The following TLR6 variants were observed in gnomAD, a reference collection of about 807,000 sequenced individuals.
TLR6 encodes toll-like receptor 6.
Under a neutral mutation model 16.1 loss-of-function variants are expected in TLR6, and 9 were observed. That is an observed-to-expected ratio of 0.56 (90% confidence interval 0.34 to 0.98). TLR6 has a LOEUF of 0.98. Among genes scored for constraint, TLR6 ranks in the 50% least tolerant of loss-of-function variants. TLR6 has a pLI of 0.02. For synonymous variants in TLR6, 340 were observed against 338.6 expected (o/e 1.00, Z -0.04); for missense variants, 786 against 921.0 (o/e 0.85, Z 1.90).
chr4:38,827,292 A>T (rs752828411), exon 2 of TLR6: 5 of 1,614,132 alleles, frequency 3.1e-6, no homozygotes, highest in Non-Finnish European at 4.2e-6. Context: ...AAGTTATTAG[A>T]TCCTTCATGA....
At chr4:38,830,575 C>G (rs1045224129) in intron 1 of TLR6, among the ~76,000 whole-genome samples, 5 of 152,108 alleles carry the variant, frequency 3.3e-5, no homozygotes, top group Non-Finnish European at 7.4e-5. Flanking sequence ...CTTAGCTGGG[C>G]ATGGTGGCGT....
At position 38,829,243 on chromosome 4, in the gene TLR6, C is replaced by T. The variant is rs774022026; in HGVS notation, c.231G>A (p.Glu77=). The T allele has an allele frequency of 1.9e-6, 3 of 1,614,180 alleles. No homozygotes were observed. In the South Asian group the frequency reaches 3.3e-5, roughly 18 times the overall value. ...TATGGGAAAGTCTCAAAACTGTCAA[C>T]TCTGATAGAAAGCTCATGTCAGAGA... is the stretch of plus-strand genomic sequence containing the variant. The change falls in exon 2 of 2, where the codon GAG becomes GAA. Residue 77 remains glutamate, a synonymous_variant. Transcript: ENST00000436693.
At chr4:38,860,116 G>A (rs181611752), upstream of TLR6, among the ~76,000 whole-genome samples, 3 of 152,216 alleles carry the variant, frequency 2.0e-5, no homozygotes, top group Non-Finnish European at 2.9e-5. Flanking sequence ...TCTACCAACA[G>A]CTTTAAAGTA....
At chr4:38,849,867 C>G (rs934131478) in intron 1 of TLR6, among the ~76,000 whole-genome samples, 6 of 152,208 alleles carry the variant, frequency 3.9e-5, no homozygotes, top group Non-Finnish European at 7.3e-5. Flanking sequence ...GAATTGAACT[C>G]AGCTCTGCAC....
At chr4:38,853,726 C>G (rs1336616715) in intron 1 of TLR6, among the ~76,000 whole-genome samples, 1 of 152,170 alleles carries the variant, frequency 6.6e-6, no homozygotes, top group Non-Finnish European at 1.5e-5. Flanking sequence ...ACCTCAGCCT[C>G]CCACGGAGCT....
exon 2 of TLR6, chr4:38,828,410 A>G (rs1415855364): frequency 1.9e-6 from 3 of 1,613,692 alleles, no homozygotes; most frequent in South Asian, 1.1e-5. Context: ...CAAAAACTTG[A>G]ATGTGCTTGG....
At chr4:38,853,683 T>C (rs1560272817) in intron 1 of TLR6, among the ~76,000 whole-genome samples, 1 of 152,188 alleles carries the variant, frequency 6.6e-6, no homozygotes, top group Admixed American at 6.5e-5. Flanking sequence ...GGCACAATCA[T>C]AGCTTAAGGT....
chr4:38,850,398 A>C (rs1036964319), intron 1 of TLR6, among the ~76,000 whole-genome samples: 6 of 152,216 alleles, frequency 3.9e-5, no homozygotes, highest in African/African-American at 1.2e-4. Context: ...ACTGAAGGAG[A>C]TAGAGACACA....
chr4:38,859,596 G>A (rs1158923456), upstream of TLR6, among the ~76,000 whole-genome samples: 1 of 132,042 alleles, frequency 7.6e-6, no homozygotes, highest in Non-Finnish European at 1.5e-5. Flanking sequence ...ACAGGGTCTC[G>A]CTCTGTTGCC....
intron 1 of TLR6, among the ~76,000 whole-genome samples, chr4:38,839,209 C>T (rs907777624): frequency 6.6e-6 from 1 of 150,844 alleles, no homozygotes. Flanking sequence ...TCTGAAAAAG[C>T]TAAATACTAT....
At chr4:38,841,724 A>C (rs1712272596) in intron 1 of TLR6, among the ~76,000 whole-genome samples, 1 of 152,228 alleles carries the variant, frequency 6.6e-6, no homozygotes, top group South Asian at 2.1e-4. Context: ...AATCGCATCA[A>C]AGGACTTAGG....
chr4:38,828,085 C>T (rs1421439988), exon 2 of TLR6: 2 of 1,614,062 alleles, frequency 1.2e-6, no homozygotes, highest in African/African-American at 2.7e-5. Context: ...TAGGAACGCT[C>T]TTTATTTTAT....
exon 2 of TLR6, chr4:38,826,412 A>G (rs1163529849): frequency 2.0e-5 from 3 of 152,200 alleles, no homozygotes; most frequent in Non-Finnish European, 4.4e-5. Context: ...GTCCCATTCA[A>G]TATCCAGCTG....
At chr4:38,828,835 C>G (rs189784331) in exon 2 of TLR6, 223 of 1,613,998 alleles carry the variant, frequency 1.4e-4, no homozygotes, top group Admixed American at 4.7e-4. Context: ...CTGATATGTT[C>G]ACTTGGATAG....
chr4:38,858,512 G>A (rs1713078302), upstream of TLR6, among the ~76,000 whole-genome samples: 1 of 152,070 alleles, frequency 6.6e-6, no homozygotes, highest in Non-Finnish European at 1.5e-5. Context: ...CAGAGGTCAG[G>A]AGTTCGAGAC....
chr4:38,828,450 G>T (rs749165469), exon 2 of TLR6: 19 of 1,614,160 alleles, frequency 1.2e-5, no homozygotes, highest in Non-Finnish European at 1.6e-5. Flanking sequence ...TGTATAAAAG[G>T]TGTATCTGAA....
At chr4:38,848,334 A>G (rs180955433) in intron 1 of TLR6, among the ~76,000 whole-genome samples, 242 of 152,366 alleles carry the variant, frequency 1.6e-3, no homozygotes, top group Non-Finnish European at 2.2e-3. Context: ...AGATGGGGAA[A>G]AAACAGAGCA....
At chr4:38,851,049 A>G (rs1167661446) in intron 1 of TLR6, among the ~76,000 whole-genome samples, 1 of 152,190 alleles carries the variant, frequency 6.6e-6, no homozygotes, top group East Asian at 1.9e-4. Flanking sequence ...AGTGGGCTTC[A>G]TCCCTGGGAT....
exon 2 of TLR6, chr4:38,827,121 A>G (rs891129632): frequency 1.2e-6 from 2 of 1,603,496 alleles, no homozygotes; most frequent in African/African-American, 2.7e-5. Context: ...ACTAGTGTTA[A>G]TTTCATATTA....
Sources: allele counts gnomAD v4.1 joint callset (sites outside exome capture counted in the v4.1 genomes callset), GRCh38; gene constraint gnomAD v4.1.1; transcripts MANE v1.5; gene names NCBI Gene and HGNC (gene_info 2026-07-23, HGNC 2026-07-21).